PRKN: variants seen among roughly 807,000 people sequenced by gnomAD.
PRKN encodes the protein E3 ubiquitin-protein ligase parkin.
In PRKN, 56 loss-of-function variants were observed where a neutral mutation model predicts 59.5. The ratio of observed to expected loss-of-function variants is 0.94; its 90% CI spans 0.76 to 1.18. PRKN has a LOEUF of 1.18. Ranked by LOEUF, PRKN falls within the 50% of genes most tolerant of loss-of-function variation. The probability of loss-of-function intolerance (pLI) is 0.00; values close to 1 mark genes in which losing one functional copy is unlikely to be tolerated. For missense variants in PRKN, 657 were observed against 596.4 expected, an observed-to-expected ratio of 1.10 and a Z score of -1.06; for synonymous variants, 250 against 222.1, an observed-to-expected ratio of 1.13 and a Z score of -1.12.
In PRKN at chr6:161,900,910, T is replaced by TTATATATATA. The variant is rs377407497; in HGVS notation, c.734+72391_734+72392insTATATATATA. ...TATTATATATAACACATATGTTAAA[T>TTATATATATA]TGTATATATATATATATATTTTTTA... On this transcript the variant is annotated intron_variant, in intron 6 of 11. Transcript: ENST00000366898. Among the ~76,000 whole-genome samples, 410 of 138,728 alleles carry TTATATATATA rather than the reference T, an allele frequency of 3.0e-3. 4 individuals carry two copies. The East Asian group carries it at 0.053, about 18-fold the overall frequency. The allele number at this position is 138,728 out of a possible 152,430, so 91.0% of individuals were successfully genotyped here. A position where few individuals can be genotyped will look rare whatever the true frequency, so the allele number is the denominator to read the frequency against.
At position 161,579,553 on chromosome 6, in the gene PRKN, G is replaced by C. The variant is rs1344620100; in HGVS notation, c.872-10137C>G. Among the ~76,000 whole-genome samples the C allele has an allele frequency of 1.3e-5, 2 of 152,146 alleles. No homozygotes were observed. Among genetic ancestry groups the C allele is most frequent in the East Asian group, 3.8e-4 (2 of 5,202 alleles). Reference sequence around the variant, plus strand: ...TCTGTAAACTGGCCTTCCTTGTAGGGCATGTTCCTGAATAGGGCATATTCA... The same window carrying C: ...TCTGTAAACTGGCCTTCCTTGTAGGCCATGTTCCTGAATAGGGCATATTCA... On this transcript the variant is annotated intron_variant, in intron 7 of 11. Coordinates refer to ENST00000366898, the MANE Select transcript of PRKN (RefSeq NM_004562.3). The surrounding 1 kb of genome is among the most constrained non-coding windows in gnomAD (Gnocchi z 4.2).
At chr6:161,934,088 A>C (rs1228232727) in intron 6 of PRKN, among the ~76,000 whole-genome samples, 3 of 152,236 alleles carry the variant, frequency 2.0e-5, no homozygotes, top group Non-Finnish European at 2.9e-5. Context: ...AGGAAGAGGT[A>C]ATTGAATCAC....
chr6:161,787,876 C>T (rs774042793), intron 6 of PRKN, among the ~76,000 whole-genome samples: 6 of 152,146 alleles, frequency 3.9e-5, no homozygotes, highest in Non-Finnish European at 8.8e-5. Flanking sequence ...AACGCGGGAG[C>T]TTGCAGTGAG....
chr6:161,385,224 G>A lies in PRKN; in HGVS notation c.1167+1570C>T, dbSNP rs566451491. Among the ~76,000 whole-genome samples the A allele has an allele frequency of 1.4e-4, 21 of 152,214 alleles. No individual in the cohort carries two copies. The highest frequency in any genetic ancestry group is 2.4e-4 in the Non-Finnish European group (16 of 68,018). Reference sequence around the variant, plus strand: ...ATTACAGGCATAAGCCACCTCGCCCGGCCGGGAAATATACTTTTCAATGCA... The same window carrying A: ...ATTACAGGCATAAGCCACCTCGCCCAGCCGGGAAATATACTTTTCAATGCA... On this transcript the variant is annotated intron_variant, in intron 10 of 11. Coordinates refer to ENST00000366898, the MANE Select transcript of PRKN (RefSeq NM_004562.3). This position sits in a 1 kb window ranked among gnomAD's most constrained non-coding sequence, Gnocchi z 4.9.
chr6:161,757,833 A>ATCTCTCTCTCTCTC (rs748787015), intron 7 of PRKN, among the ~76,000 whole-genome samples: 14 of 37,642 alleles, frequency 3.7e-4, no homozygotes, highest in African/African-American at 1.1e-3. Flanking sequence ...GCAAAACTCC[A>ATCTCTCTCTCTCTC]TCTCTCTCTC....
rs1453036259 is a variant in PRKN, at chr6:162,259,817, TAC to T, written c.412+2706_412+2707del. Among the ~76,000 whole-genome samples the T allele has an allele frequency of 2.0e-5, 3 of 152,206 alleles. 1 individual carries two copies. The highest frequency in any genetic ancestry group is 7.2e-5 in the African/African-American group (3 of 41,458). ...TCTTCTAAGAGATTTTGGGGAAAAC[TAC>T]AGTTAATTGGACAAAAACTCCATCC... On this transcript the variant is annotated intron_variant, in intron 3 of 11. Coordinates refer to ENST00000366898, the MANE Select transcript of PRKN (RefSeq NM_004562.3).
At chr6:162,713,771 A>G (rs1174825348) in intron 1 of PRKN, among the ~76,000 whole-genome samples, 1 of 152,176 alleles carries the variant, frequency 6.6e-6, no homozygotes, top group Non-Finnish European at 1.5e-5. Flanking sequence ...AACTTAAAAG[A>G]CAGGATGAAA....
chr6:161,785,187 T>A (rs542810138), intron 7 of PRKN, among the ~76,000 whole-genome samples: 148 of 152,294 alleles, frequency 9.7e-4, no homozygotes, highest in African/African-American at 3.4e-3. Flanking sequence ...TGTGCAACAT[T>A]GTGAATGCAC....
At chr6:162,595,031 G>A (rs896959117) in intron 1 of PRKN, among the ~76,000 whole-genome samples, 6 of 151,880 alleles carry the variant, frequency 4.0e-5, no homozygotes, top group South Asian at 2.1e-4. Flanking sequence ...AAAATTAGCT[G>A]GGCACTGTGG....
At chr6:161,896,657 A>T (rs1394462905) in intron 6 of PRKN, among the ~76,000 whole-genome samples, 1 of 152,164 alleles carries the variant, frequency 6.6e-6, no homozygotes, top group Non-Finnish European at 1.5e-5. Context: ...AGGGGAGGTG[A>T]TGTATGCTTA....
chr6:162,072,930 A>G (rs1778641433), intron 4 of PRKN, among the ~76,000 whole-genome samples: 1 of 152,228 alleles, frequency 6.6e-6, no homozygotes, highest in African/African-American at 2.4e-5. Context: ...GAACAATATC[A>G]TCATGGAAAG....
intron 1 of PRKN, among the ~76,000 whole-genome samples, chr6:162,655,006 AT>A (rs1229615204): frequency 6.6e-6 from 1 of 152,196 alleles, no homozygotes; most frequent in Non-Finnish European, 1.5e-5. Flanking sequence ...AAACCCCAAT[AT>A]GATTTTCTAA....
At chr6:161,624,017 A>G (rs180765865) in intron 7 of PRKN, among the ~76,000 whole-genome samples, 2 of 152,366 alleles carry the variant, frequency 1.3e-5, no homozygotes, top group Admixed American at 1.3e-4. Context: ...AGGAAGTCTT[A>G]CTATGAAAAG....
intron 3 of PRKN, among the ~76,000 whole-genome samples, chr6:162,237,648 C>G (rs1778799009): frequency 6.6e-6 from 1 of 152,062 alleles, no homozygotes; most frequent in African/African-American, 2.4e-5. Flanking sequence ...TTATGGCATC[C>G]CAGTTTTAAG....
intron 2 of PRKN, among the ~76,000 whole-genome samples, chr6:162,293,057 G>A (rs1406327233): frequency 6.6e-6 from 1 of 152,146 alleles, no homozygotes; most frequent in African/African-American, 2.4e-5. Flanking sequence ...CTCAAAAAAT[G>A]AAAATATGTA....
intron 4 of PRKN, among the ~76,000 whole-genome samples, chr6:162,093,513 CCTCT>C (rs534744354): frequency 2.6e-5 from 4 of 152,162 alleles, no homozygotes; most frequent in East Asian, 3.9e-4. Context: ...CCTGTCTGCC[CCTCT>C]CTCTCTAAGA....
intron 6 of PRKN, among the ~76,000 whole-genome samples, chr6:161,902,556 A>T (rs9355372): frequency 0.053 from 6,276 of 117,616 alleles, 291 homozygotes; most frequent in East Asian, 0.23. Flanking sequence ...CTATTTATTT[A>T]TTTATTTATT....
intron 9 of PRKN, among the ~76,000 whole-genome samples, chr6:161,478,159 T>A (rs6922432): frequency 0.2 from 31,041 of 152,092 alleles, 3,676 homozygotes; most frequent in African/African-American, 0.33. Context: ...TTATTGTTCA[T>A]CTGAACAAAT....
At chr6:162,364,713 A>G (rs1345780992) in intron 2 of PRKN, among the ~76,000 whole-genome samples, 3 of 152,142 alleles carry the variant, frequency 2.0e-5, no homozygotes, top group African/African-American at 7.2e-5. Flanking sequence ...AAACCAGAAA[A>G]TGGCTGCACA....
Sources: gnomAD v4.1 joint callset for allele counts (sites outside exome capture counted in the v4.1 genomes callset) on GRCh38, gnomAD v4.1.1 for gene constraint, Gnocchi (gnomAD v3.1) non-coding constraint, MANE v1.5 for transcripts, NCBI Gene and HGNC (gene_info 2026-07-23, HGNC 2026-07-21) for gene names.